Variants in SHOC2 observed in about 807,000 individuals in gnomAD.
SHOC2 encodes the protein SHOC2 leucine rich repeat scaffold protein.
A neutral mutation model predicts 50.2 loss-of-function variants in SHOC2; 4 were observed. The ratio of observed to expected loss-of-function variants is 0.08; its 90% CI spans 0.04 to 0.18. SHOC2 has a LOEUF of 0.18. SHOC2 is among the 10% of genes least tolerant of loss of function. SHOC2 has a pLI of 1.00. For missense variants in SHOC2, 388 were observed against 669.6 expected, an observed-to-expected ratio of 0.58 and a Z score of 4.64; for synonymous variants, 218 against 244.5, an observed-to-expected ratio of 0.89 and a Z score of 1.01.
chr10:110,928,367 G>A (rs186446416), intron 1 of SHOC2, among the ~76,000 whole-genome samples: 2 of 152,062 alleles, frequency 1.3e-5, no homozygotes, highest in Admixed American at 6.6e-5. Flanking sequence ...CAGCCTATGA[G>A]AACCAGATAC....
At chr10:111,004,958 T>C (rs552286209) in intron 5 of SHOC2, among the ~76,000 whole-genome samples, 164 bp downstream of exon 5, 3 of 152,218 alleles carry the variant, frequency 2.0e-5, no homozygotes, top group African/African-American at 7.2e-5. Flanking sequence ...ATAACAAATA[T>C]CTTAGAACTG....
rs779508417 is a variant in SHOC2 at position 111,011,655 on chromosome 10, A to G, written c.1586A>G (p.Asn529Ser). ...LEELYLNDNP[N>S]LHSLPFELAL... Reference sequence around the variant, plus strand: ...GAACTGTATTTGAATGACAACCCCAACCTGCATAGCCTTCCCTTTGAGCTG... The same window carrying G: ...GAACTGTATTTGAATGACAACCCCAGCCTGCATAGCCTTCCCTTTGAGCTG... Residue 529 changes from asparagine (N) to serine (S), a missense_variant, in exon 9 of 9, where the codon AAC (asparagine) becomes AGC (serine). Asn to Ser is a conservative substitution (Grantham distance 46). This residue lies in a region of SHOC2 where 130 missense variants were observed against 208.6 expected (regional missense o/e 0.62). Coordinates refer to ENST00000369452, the MANE Select transcript of SHOC2 (RefSeq NM_007373.4). 2.5e-6 allele frequency: 4 copies of G among 1,613,940 alleles called. 1 individual carries two copies. In the South Asian group the frequency reaches 4.4e-5, roughly 18 times the overall value.
At chr10:110,965,368 A>G (rs923842516) in intron 2 of SHOC2, among the ~76,000 whole-genome samples, 7 of 150,592 alleles carry the variant, frequency 4.6e-5, no homozygotes, top group African/African-American at 1.5e-4. Flanking sequence ...CTAATTTTCA[A>G]GTTGTTGCTG....
At chr10:110,993,262 A>T (rs1332802913) in intron 3 of SHOC2, among the ~76,000 whole-genome samples, 1 of 152,238 alleles carries the variant, frequency 6.6e-6, no homozygotes, top group African/African-American at 2.4e-5. Flanking sequence ...GTTGCAGTTT[A>T]GTTTGTGGTT....
At chr10:110,988,629 C>T (rs1401106133) in intron 3 of SHOC2, among the ~76,000 whole-genome samples, 1 of 152,034 alleles carries the variant, frequency 6.6e-6, no homozygotes, top group African/African-American at 2.4e-5. Context: ...TGTTGATCCT[C>T]TCTTAGTTTT....
intron 2 of SHOC2, among the ~76,000 whole-genome samples, chr10:110,973,999 TTTTG>T (rs1465230990): frequency 6.6e-6 from 1 of 151,950 alleles, no homozygotes; most frequent in African/African-American, 2.4e-5. Flanking sequence ...TTAAAAATTC[TTTTG>T]TTTGTGTGTT....
intron 1 of SHOC2, among the ~76,000 whole-genome samples, chr10:110,948,624 C>T (rs1847293094): frequency 6.6e-6 from 1 of 152,174 alleles, no homozygotes; most frequent in South Asian, 2.1e-4. Flanking sequence ...TAACACATTC[C>T]TGAACAACCA....
At chr10:110,968,403 TAA>T (rs1847718070) in intron 2 of SHOC2, among the ~76,000 whole-genome samples, 1 of 152,158 alleles carries the variant, frequency 6.6e-6, no homozygotes, top group African/African-American at 2.4e-5. Context: ...TGACATTTTT[TAA>T]AGTGTTAAAC....
intron 1 of SHOC2, among the ~76,000 whole-genome samples, chr10:110,929,429 G>A (rs902375340): frequency 2.6e-5 from 4 of 152,074 alleles, no homozygotes; most frequent in Non-Finnish European, 5.9e-5. Flanking sequence ...TCTGATGTGG[G>A]AATCTTATTT....
At chr10:110,985,920 C>T in intron 3 of SHOC2, 155 bp downstream of exon 3, 6 of 664,848 alleles carry the variant, frequency 9.0e-6, no homozygotes, top group Non-Finnish European at 5.1e-6. Flanking sequence ...AATCATTTTT[C>T]ATTTCCTTTT....
chr10:110,943,393 C>G (rs969342937), intron 1 of SHOC2, among the ~76,000 whole-genome samples: 4 of 151,988 alleles, frequency 2.6e-5, no homozygotes, highest in African/African-American at 9.7e-5. Context: ...ATTGCACTTT[C>G]AACTCCAGGT....
intron 2 of SHOC2, among the ~76,000 whole-genome samples, chr10:110,977,470 C>T (rs902734490): frequency 2.6e-5 from 4 of 152,128 alleles, no homozygotes; most frequent in Non-Finnish European, 5.9e-5. Flanking sequence ...GTCTCAAACT[C>T]CCAACCTCAG....
chr10:110,996,168 C>T (rs774616923), intron 3 of SHOC2, among the ~76,000 whole-genome samples: 28 of 152,148 alleles, frequency 1.8e-4, no homozygotes, highest in Non-Finnish European at 3.4e-4. Context: ...AGGTATATTA[C>T]GGGAACCCCT....
intron 3 of SHOC2, among the ~76,000 whole-genome samples, chr10:110,997,946 A>C (rs1848298329): frequency 6.6e-6 from 1 of 151,878 alleles, no homozygotes; most frequent in Non-Finnish European, 1.5e-5. Flanking sequence ...TTTTGTCATA[A>C]AGCAAATTAT....
chr10:110,920,277 C>T (rs993938400), intron 1 of SHOC2: 14 of 152,752 alleles, frequency 9.2e-5, no homozygotes, highest in African/African-American at 3.1e-4. Flanking sequence ...TGTAGCCCTT[C>T]GAGACCGCCT....
At chr10:110,944,252 A>G (rs2134095020) in intron 1 of SHOC2, among the ~76,000 whole-genome samples, 1 of 152,180 alleles carries the variant, frequency 6.6e-6, no homozygotes, top group Middle Eastern at 3.4e-3. Flanking sequence ...GTTGGTACTT[A>G]TCCAGGCCCT....
At chr10:110,951,875 C>G (rs1847359878) in intron 1 of SHOC2, 1 of 152,266 alleles carries the variant, frequency 6.6e-6, no homozygotes, top group Non-Finnish European at 1.5e-5. Flanking sequence ...CCAAGCTGGT[C>G]TTGAACTCCT....
intron 1 of SHOC2, among the ~76,000 whole-genome samples, chr10:110,949,363 A>G (rs1309759831): frequency 6.6e-6 from 1 of 152,156 alleles, no homozygotes; most frequent in African/African-American, 2.4e-5. Flanking sequence ...ATTTTTTTCT[A>G]GAAGCATAGC....
intron 2 of SHOC2, among the ~76,000 whole-genome samples, chr10:110,980,158 CTT>C (rs745350568): frequency 2.6e-4 from 35 of 135,888 alleles, no homozygotes; most frequent in Non-Finnish European, 3.7e-4. Flanking sequence ...ATTCCTGTCA[CTT>C]TTTTTTTTTT....
Sources: gnomAD v4.1 joint callset for allele counts (sites outside exome capture counted in the v4.1 genomes callset) on GRCh38, gnomAD v4.1.1 for gene constraint, gnomAD v4.1.1 regional missense constraint, MANE v1.5 for transcripts, NCBI Gene and HGNC (gene_info 2026-07-23, HGNC 2026-07-21) for gene names.